Variants in CFAP299 observed in about 807,000 individuals in gnomAD.
The protein encoded by CFAP299 is cilia- and flagella-associated protein 299.
Under a neutral mutation model 27.0 loss-of-function variants are expected in CFAP299, and 21 were observed. That is an observed-to-expected ratio of 0.78 (90% CI 0.55 to 1.12). CFAP299 has a LOEUF of 1.12. Ranked by LOEUF, CFAP299 falls within the 50% of genes most tolerant of loss-of-function variation. The pLI, the probability that CFAP299 is intolerant of heterozygous loss-of-function variation, is 0.00. For missense variants in CFAP299, 310 were observed against 276.6 expected, an observed-to-expected ratio of 1.12 and a Z score of -0.86; for synonymous variants, 104 against 98.1, an observed-to-expected ratio of 1.06 and a Z score of -0.36.
intron 3 of CFAP299, among the ~76,000 whole-genome samples, chr4:80,616,291 A>C: frequency 6.6e-6 from 1 of 152,078 alleles, no homozygotes; most frequent in East Asian, 1.9e-4. Context: ...AGCTGAACTT[A>C]TTGGCTGTGT....
chr4:80,738,061 T>G (rs1724019572), intron 3 of CFAP299, among the ~76,000 whole-genome samples: 1 of 152,182 alleles, frequency 6.6e-6, no homozygotes, highest in African/African-American at 2.4e-5. Context: ...GTTATTCATT[T>G]CTAGTTTTAT....
chr4:80,563,237 G>A (rs6535014), intron 2 of CFAP299, among the ~76,000 whole-genome samples: 141,400 of 152,210 alleles, frequency 0.93, 65,746 homozygotes, highest in East Asian at 1. Context: ...AAAGAGCTGC[G>A]GAATACACAT....
At chr4:80,583,060 A>G in intron 2 of CFAP299, 33 bp from the exon 3 acceptor site, 2 of 1,388,554 alleles carry the variant, frequency 1.4e-6, no homozygotes, top group Non-Finnish European at 2.0e-6. Flanking sequence ...TTTGTTATCT[A>G]ATATATTATA....
intron 3 of CFAP299, among the ~76,000 whole-genome samples, chr4:80,685,812 T>A (rs186179789): frequency 6.6e-6 from 1 of 152,272 alleles, no homozygotes. Flanking sequence ...ACACCCTGAC[T>A]TTTTGAAGGT....
intron 2 of CFAP299, among the ~76,000 whole-genome samples, chr4:80,473,897 A>C (rs558454003): frequency 6.6e-6 from 1 of 152,300 alleles, no homozygotes; most frequent in Non-Finnish European, 1.5e-5. Context: ...TTATAACTAC[A>C]TTAAAACAAA....
intron 3 of CFAP299, among the ~76,000 whole-genome samples, chr4:80,706,267 C>T (rs940995904): frequency 6.6e-6 from 1 of 151,106 alleles, no homozygotes; most frequent in African/African-American, 2.4e-5. Flanking sequence ...GCAAACATAC[C>T]CTAAACATCG....
intron 3 of CFAP299, among the ~76,000 whole-genome samples, chr4:80,763,599 A>G (rs1725665900): frequency 6.6e-6 from 1 of 152,180 alleles, no homozygotes; most frequent in African/African-American, 2.4e-5. Context: ...GGACTAGAAA[A>G]AACTACTTTA....
chr4:80,779,087 A>G (rs1185912070), intron 3 of CFAP299, among the ~76,000 whole-genome samples: 1 of 152,098 alleles, frequency 6.6e-6, no homozygotes, highest in Non-Finnish European at 1.5e-5. Context: ...GGCAGACACC[A>G]TTATCTCCAT....
intron 3 of CFAP299, among the ~76,000 whole-genome samples, chr4:80,816,740 A>C (rs934072180): frequency 1.3e-5 from 2 of 152,160 alleles, no homozygotes; most frequent in Admixed American, 6.6e-5. Flanking sequence ...CCATCAGTAT[A>C]GTGCAGGGGT....
chr4:80,455,814 A>G (rs1318817048), intron 2 of CFAP299, among the ~76,000 whole-genome samples: 1 of 152,162 alleles, frequency 6.6e-6, no homozygotes, highest in Admixed American at 6.6e-5. Context: ...CTTCCCATTC[A>G]TTATCTAGTG....
At chr4:80,486,462 A>G (rs1730825143) in intron 2 of CFAP299, among the ~76,000 whole-genome samples, 1 of 152,182 alleles carries the variant, frequency 6.6e-6, no homozygotes, top group African/African-American at 2.4e-5. Context: ...TAGCCCTAAT[A>G]TTGAGTTTTA....
At chr4:80,391,742 A>G (rs1725492732) in intron 2 of CFAP299, among the ~76,000 whole-genome samples, 1 of 152,136 alleles carries the variant, frequency 6.6e-6, no homozygotes, top group South Asian at 2.1e-4. Flanking sequence ...CTAAGATGGG[A>G]CTACTGCTTG....
intron 2 of CFAP299, among the ~76,000 whole-genome samples, chr4:80,469,046 A>ACT (rs1729855182): frequency 6.6e-6 from 1 of 152,112 alleles, no homozygotes; most frequent in South Asian, 2.1e-4. Flanking sequence ...CGGCAAAAAT[A>ACT]CTCTACTAAA....
intron 3 of CFAP299, among the ~76,000 whole-genome samples, chr4:80,680,913 C>A (rs1719795410): frequency 6.6e-6 from 1 of 152,066 alleles, no homozygotes. Context: ...TTGCAGACTG[C>A]AGAAAGGAAT....
At chr4:80,382,946 A>G (rs1353243625) in intron 2 of CFAP299, among the ~76,000 whole-genome samples, 5 of 152,198 alleles carry the variant, frequency 3.3e-5, no homozygotes, top group Admixed American at 1.3e-4. Context: ...CCCATCAATG[A>G]CAGACTGGAT....
chr4:80,539,710 T>C (rs1733910800), intron 2 of CFAP299, among the ~76,000 whole-genome samples: 1 of 152,200 alleles, frequency 6.6e-6, no homozygotes, highest in Non-Finnish European at 1.5e-5. Context: ...CCTTAGCAAT[T>C]AGCTTGGCCC....
chr4:80,354,022 T>A (rs529459327), intron 1 of CFAP299, among the ~76,000 whole-genome samples: 54 of 152,200 alleles, frequency 3.5e-4, no homozygotes, highest in Non-Finnish European at 5.7e-4. Flanking sequence ...GAAGACTGTT[T>A]GCAGATATTT....
chr4:80,635,351 C>T (rs1739423972), intron 3 of CFAP299, among the ~76,000 whole-genome samples: 1 of 152,116 alleles, frequency 6.6e-6, no homozygotes. Flanking sequence ...GAATCTGTAA[C>T]AAAACCTTCC....
At chr4:80,388,334 A>G in intron 2 of CFAP299, 2 of 684,020 alleles carry the variant, frequency 2.9e-6, no homozygotes, top group Non-Finnish European at 5.4e-6. Flanking sequence ...CCCCTGGATC[A>G]GTGGGGACAG....
Sources: allele counts gnomAD v4.1 joint callset (sites outside exome capture counted in the v4.1 genomes callset), GRCh38; gene constraint gnomAD v4.1.1; transcripts MANE v1.5; gene names NCBI Gene and HGNC (gene_info 2026-07-23, HGNC 2026-07-21).